Variants in VLDLR observed in about 807,000 individuals in gnomAD.
The protein encoded by VLDLR is very low-density lipoprotein receptor.
In VLDLR, 81 loss-of-function variants were observed where a neutral mutation model predicts 112.7. The observed-to-expected ratio is 0.72, with a 90% CI of 0.60 to 0.86. The LOEUF is 0.86. Ranked by LOEUF, VLDLR falls within the 40% of genes least tolerant of loss-of-function variation. VLDLR has a pLI of 0.00. For synonymous variants in VLDLR, 436 were observed against 384.8 expected (o/e 1.13, Z -1.56); for missense variants, 1,237 against 1,099.4 (o/e 1.13, Z -1.77).
At position 2,643,975 on chromosome 9, in the gene VLDLR, G is replaced by A. The variant is rs920869756; in HGVS notation, c.1066+16G>A. 6.8e-6 allele frequency: 11 copies of A among 1,613,772 alleles called. No homozygotes were observed. Among genetic ancestry groups the A allele is most frequent in the African/African-American group, 5.3e-5 (4 of 74,804 alleles). On this transcript the variant is annotated intron_variant, in intron 7 of 18. Coordinates refer to ENST00000382100, the MANE Select transcript of VLDLR (RefSeq NM_003383.5). ...AAAGAGTGTCGTAAGTGTACTTGTT[G>A]TTCAAGTACAGATCCTGGAAGTTTG... is the stretch of plus-strand genomic sequence containing the variant.
At chr9:2,623,183 G>A (rs1244178141) in intron 1 of VLDLR, among the ~76,000 whole-genome samples, 1 of 152,204 alleles carries the variant, frequency 6.6e-6, no homozygotes, top group African/African-American at 2.4e-5. Flanking sequence ...TGTTGGGAAG[G>A]GCGGCGGTGA....
chr9:2,658,400 A>G lies in VLDLR; in HGVS notation c.*4532A>G, dbSNP rs1003427991. The G allele has an allele frequency of 2.0e-5, 3 of 152,366 alleles. No individual in the cohort carries two copies. The East Asian group carries it at 5.8e-4, about 29-fold the overall frequency. 9.4% of individuals were successfully genotyped at this position (152,366 alleles called of 1,614,324 possible). The stretch of plus-strand genomic sequence containing the variant: ...AATCTCACTGTAAAAATCTCAATGC[A>G]AAAACACTGAGACAGGAGTGAGACC... On this transcript the variant is annotated 3_prime_UTR_variant, in exon 19 of 19. Coordinates refer to ENST00000382100, the MANE Select transcript of VLDLR (RefSeq NM_003383.5).
At chr9:2,636,338 A>C (rs764991001) in intron 2 of VLDLR, among the ~76,000 whole-genome samples, 20 of 152,254 alleles carry the variant, frequency 1.3e-4, no homozygotes, top group Non-Finnish European at 2.6e-4. Flanking sequence ...TATTGGTGCT[A>C]ACATTGTCAT....
At chr9:2,633,222 C>T (rs1032706256) in intron 1 of VLDLR, among the ~76,000 whole-genome samples, 1 of 152,138 alleles carries the variant, frequency 6.6e-6, no homozygotes, top group African/African-American at 2.4e-5. Context: ...GTAGAAAATG[C>T]TGATGCCTGT....
rs772431735 is a variant in VLDLR at position 2,647,496 on chromosome 9, G to A, written c.1726G>A (p.Gly576Ser). Residue 576 changes from glycine (G) to serine (S), a missense_variant, in exon 12 of 19, where the codon GGT becomes AGT. Transcript: ENST00000382100. ...CAGCTTTGTTTACTGGTCAGACTGG[G>A]GTGAACCAGCTAAAATAGAAAAAGC... Reference protein sequence around the residue: ...LSGFVYWSDWGEPAKIEKAGM... With the variant: ...LSGFVYWSDWSEPAKIEKAGM... The A allele has an allele frequency of 1.2e-6, 2 of 1,614,016 alleles. No individual in the cohort carries two copies. The highest frequency in any genetic ancestry group is 2.2e-5 in the South Asian group (2 of 91,070).
intron 1 of VLDLR, among the ~76,000 whole-genome samples, chr9:2,633,047 AGAGAGTGTGTGTGTGTGTGTGTGTGTGT>A (rs1485309467): frequency 3.1e-4 from 30 of 95,468 alleles, no homozygotes; most frequent in African/African-American, 9.9e-4. Context: ...AGAGAGAGAG[AGAGAGTGTGTGTGTGTGTGTGTGTGTGT>A]GTGTGTGTGT....
chr9:2,639,986 G>A lies in VLDLR; in HGVS notation c.325+5G>A, dbSNP rs746608386. The A allele has an allele frequency of 8.7e-6, 14 of 1,614,112 alleles. No homozygotes were observed. Among genetic ancestry groups the A allele is most frequent in the Non-Finnish European group, 1.1e-5 (13 of 1,180,032 alleles). On this transcript the variant is annotated splice_donor_5th_base_variant and intron_variant, in intron 3 of 18. Coordinates refer to ENST00000382100, the MANE Select transcript of VLDLR (RefSeq NM_003383.5). ...ATGAAAGCCCAGAACAGTGCCGTGA[G>A]TGTAACTTGCTTTGGCCTTGAACTT...
chr9:2,630,072 G>T (rs972841643), intron 1 of VLDLR, among the ~76,000 whole-genome samples: 5 of 152,188 alleles, frequency 3.3e-5, no homozygotes, highest in African/African-American at 4.8e-5. Context: ...GGGATTACAG[G>T]CATGAGCCAC....
chr9:2,648,297 C>G lies in VLDLR; in HGVS notation c.1912C>G (p.Leu638Val). The change falls in exon 13 of 19, where the codon CTA becomes GTA. Residue 638 changes from leucine to valine, a missense_variant. By Grantham distance (32) the Leu-to-Val change is conservative. Transcript: ENST00000382100. ...DLNGQDRRIVLKSLEFLAHPL... is the reference protein window; with the variant it reads ...DLNGQDRRIVVKSLEFLAHPL... ...GAATGGCCAAGATCGTAGGATAGTACTAAAGTCTCTGGAGTTCCTAGCTCA... is the reference window on the plus strand; with the variant it reads ...GAATGGCCAAGATCGTAGGATAGTAGTAAAGTCTCTGGAGTTCCTAGCTCA... 1 of 1,614,166 alleles carries G rather than the reference C, an allele frequency of 6.2e-7. No homozygotes were observed. Among genetic ancestry groups the G allele is most frequent in the Non-Finnish European group, 8.5e-7 (1 of 1,180,016 alleles).
intron 15 of VLDLR, 36 bp from the exon 16 acceptor site, chr9:2,651,379 C>G: frequency 1.3e-6 from 2 of 1,578,222 alleles, no homozygotes; most frequent in Non-Finnish European, 1.7e-6. Context: ...TGCTGGAACC[C>G]TGGCATTAAC....
chr9:2,653,941 G>A lies in VLDLR; in HGVS notation c.*73G>A. On this transcript the variant is annotated 3_prime_UTR_variant, in exon 19 of 19. Coordinates refer to ENST00000382100, the MANE Select transcript of VLDLR (RefSeq NM_003383.5). ...CGTCGGAATGGTAACCGAGCCAGCA[G>A]CTGAAGTCTCTTTTTCTTCCTCTCG... The A allele has an allele frequency of 6.6e-7, 1 of 1,515,602 alleles. No homozygotes were observed. The highest frequency in any genetic ancestry group is 9.2e-7 in the Non-Finnish European group (1 of 1,090,918). The allele number at this position is 1,515,602 out of a possible 1,614,324, so 93.9% of individuals were successfully genotyped here. A position where few individuals can be genotyped will look rare whatever the true frequency, so the allele number is the denominator to read the frequency against.
rs760411627 is a variant in VLDLR at position 2,643,396 on chromosome 9, TGTGGCCGTCA to T, written c.687_696del (p.Gly230GlnfsTer100). 1 of 1,614,116 alleles carries T rather than the reference TGTGGCCGTCA, an allele frequency of 6.2e-7. No individual in the cohort carries two copies. Among genetic ancestry groups the T allele is most frequent in the Non-Finnish European group, 8.5e-7 (1 of 1,180,022 alleles). ...CCAATCTGATGAGTCCCTGGAGCAG[TGTGGCCGTCA>T]GCCAGTCATACACACCAAGTGTCCA... On this transcript the variant is annotated frameshift_variant, in exon 5 of 19. Transcript: ENST00000382100. LOFTEE classifies it high-confidence loss of function.
rs752822272 is a variant in VLDLR, at chr9:2,641,397, C to T, written c.346C>T (p.His116Tyr). Residue 116 changes from histidine to tyrosine, a missense_variant, in exon 4 of 19, where the codon CAT (histidine) becomes TAT (tyrosine). His to Tyr is a moderately conservative substitution (Grantham distance 83, BLOSUM62 2). Transcript: ENST00000382100. ...AACAGATATGAGAACATGCCGCATA[C>T]ATGAAATCAGCTGTGGCGCCCATTC... ...EQCHMRTCRI[H>Y]EISCGAHSTQ... 3 of 1,614,222 alleles carry T rather than the reference C, an allele frequency of 1.9e-6. No individual in the cohort carries two copies. The South Asian group carries it at 3.3e-5, about 18-fold the overall frequency.
rs17848383 is a variant in VLDLR at position 2,651,433 on chromosome 9, C to T, written c.2270C>T (p.Thr757Ile). Residue 757 changes from threonine to isoleucine, a missense_variant, in exon 16 of 19, where the codon ACT (threonine) becomes ATT (isoleucine). Coordinates refer to ENST00000382100, the MANE Select transcript of VLDLR (RefSeq NM_003383.5). ...AATTCAGGTACTGCAACTACTGTGACTTACAGTGAGACAAAAGATACGAAC... is the reference window on the plus strand; with the variant it reads ...AATTCAGGTACTGCAACTACTGTGATTTACAGTGAGACAAAAGATACGAAC... ...RDCQSTATTV[T>I]YSETKDTNTT... 79 of 1,613,952 alleles carry T rather than the reference C, an allele frequency of 4.9e-5. No homozygotes were observed. In the East Asian group the frequency reaches 1.7e-3, roughly 35 times the overall value.
intron 1 of VLDLR, among the ~76,000 whole-genome samples, chr9:2,633,540 C>T (rs1817462399): frequency 6.6e-6 from 1 of 151,992 alleles, no homozygotes; most frequent in Non-Finnish European, 1.5e-5. Flanking sequence ...ACAAGGTTTC[C>T]ATTTTGATTA....
chr9:2,647,517 A>G lies in VLDLR; in HGVS notation c.1747A>G (p.Lys583Glu). 3 of 1,614,198 alleles carry G rather than the reference A, an allele frequency of 1.9e-6. No homozygotes were observed. The highest frequency in any genetic ancestry group is 2.5e-6 in the Non-Finnish European group (3 of 1,180,010). ...SDWGEPAKIE[K>E]AGMNGFDRRP... ...CTGGGGTGAACCAGCTAAAATAGAA[A>G]AAGCAGGAATGAATGGATTCGATAG... Residue 583 changes from lysine (K) to glutamate (E), a missense_variant, in exon 12 of 19, where the codon AAA becomes GAA. Coordinates refer to ENST00000382100, the MANE Select transcript of VLDLR (RefSeq NM_003383.5).
intron 4 of VLDLR, 54 bp from the exon 5 acceptor site, chr9:2,643,106 C>T (rs1817894101): frequency 1.3e-6 from 2 of 1,599,520 alleles, no homozygotes; most frequent in Non-Finnish European, 1.7e-6. Flanking sequence ...GGACAAGAAT[C>T]TTGAACGGAC....
chr9:2,640,087 C>G, intron 3 of VLDLR, 106 bp downstream of exon 3: 1 of 1,595,338 alleles, frequency 6.3e-7, no homozygotes, highest in Non-Finnish European at 8.6e-7. Flanking sequence ...CTTTGCCTGC[C>G]TTAAAGTTTA....
At chr9:2,639,316 G>A (rs1009648651) in intron 2 of VLDLR, among the ~76,000 whole-genome samples, 1 of 152,134 alleles carries the variant, frequency 6.6e-6, no homozygotes, top group African/African-American at 2.4e-5. Flanking sequence ...TTTTATGAGG[G>A]TGCTAATCCC....
Sources: gnomAD v4.1 joint callset for allele counts (sites outside exome capture counted in the v4.1 genomes callset) on GRCh38, gnomAD v4.1.1 for gene constraint, MANE v1.5 for transcripts, NCBI Gene and HGNC (gene_info 2026-07-23, HGNC 2026-07-21) for gene names.